The following RNF169 variants were observed in gnomAD, a reference collection of about 807,000 sequenced individuals.
The protein encoded by RNF169 is E3 ubiquitin-protein ligase RNF169.
RNF169 carries 24 observed loss-of-function variants against 53.9 expected under a neutral mutation model. The observed-to-expected ratio is 0.45, with a 90% CI of 0.32 to 0.63. The LOEUF is 0.63. Ranked by LOEUF, RNF169 falls within the 20% of genes least tolerant of loss-of-function variation. RNF169 has a pLI of 0.04. For missense variants in RNF169, 883 were observed against 906.2 expected (o/e 0.97, Z 0.33); for synonymous variants, 396 against 363.5 (o/e 1.09, Z -1.02).
At chr11:74,801,839 T>C (rs1345855110) in intron 2 of RNF169, among the ~76,000 whole-genome samples, 2 of 152,196 alleles carry the variant, frequency 1.3e-5, no homozygotes, top group African/African-American at 2.4e-5. Context: ...TTTTTAAAAA[T>C]ACGTTAAAAA....
At chr11:74,775,022 C>T (rs1019625151) in intron 1 of RNF169, among the ~76,000 whole-genome samples, 1 of 152,182 alleles carries the variant, frequency 6.6e-6, no homozygotes, top group Non-Finnish European at 1.5e-5. Context: ...AACATTTAGA[C>T]AATTCTTTGG....
At chr11:74,817,776 A>C (rs887614807) in intron 4 of RNF169, 62 bp downstream of exon 4, 2 of 1,005,300 alleles carry the variant, frequency 2.0e-6, no homozygotes, top group Admixed American at 3.5e-5. Flanking sequence ...GATAAAAGGG[A>C]CTGGGGGAGC....
intron 2 of RNF169, among the ~76,000 whole-genome samples, chr11:74,792,695 C>T (rs747456331): frequency 6.6e-6 from 1 of 152,156 alleles, no homozygotes; most frequent in Non-Finnish European, 1.5e-5. Flanking sequence ...GCCACCATGC[C>T]TGGCAAGAGT....
intron 3 of RNF169, among the ~76,000 whole-genome samples, chr11:74,816,793 G>A (rs949294857): frequency 6.6e-6 from 1 of 152,202 alleles, no homozygotes; most frequent in African/African-American, 2.4e-5. Flanking sequence ...GTGGGAACTG[G>A]TAGGGGAAAA....
intron 1 of RNF169, among the ~76,000 whole-genome samples, chr11:74,751,792 A>G (rs1432384045): frequency 1.3e-5 from 2 of 152,208 alleles, no homozygotes; most frequent in Admixed American, 1.3e-4. Flanking sequence ...GAATACAAAA[A>G]TATTGCCAAA....
At chr11:74,790,079 C>T (rs2035558551) in intron 2 of RNF169, among the ~76,000 whole-genome samples, 1 of 152,144 alleles carries the variant, frequency 6.6e-6, no homozygotes, top group Non-Finnish European at 1.5e-5. Flanking sequence ...TCCATTATTG[C>T]TCACTCCATT....
At chr11:74,775,071 A>T (rs2035313625) in intron 1 of RNF169, among the ~76,000 whole-genome samples, 1 of 152,260 alleles carries the variant, frequency 6.6e-6, no homozygotes, top group African/African-American at 2.4e-5. Flanking sequence ...ATGGGTCAGT[A>T]CCTACAGCTG....
In RNF169 at chr11:74,748,863, C is replaced by G; in HGVS notation, c.-18C>G. 1 of 1,399,598 alleles carries G rather than the reference C, an allele frequency of 7.1e-7. No homozygotes were observed. Among genetic ancestry groups the G allele is most frequent in the Non-Finnish European group, 9.4e-7 (1 of 1,065,258 alleles). The allele number at this position is 1,399,598 out of a possible 1,614,324, so 86.7% of individuals were successfully genotyped here. ...TCTTCTCCCTCGCAACCGACTCTCC[C>G]TTCAAACGGGAAACAAGATGGCGGC... On this transcript the variant is annotated 5_prime_UTR_variant, in exon 1 of 6. Coordinates refer to ENST00000299563, the MANE Select transcript of RNF169 (RefSeq NM_001098638.2).
intron 1 of RNF169, among the ~76,000 whole-genome samples, chr11:74,764,738 A>G (rs1009787994): frequency 2.0e-5 from 3 of 152,084 alleles, no homozygotes; most frequent in Non-Finnish European, 2.9e-5. Flanking sequence ...CAAAATAATT[A>G]TCACTGATTT....
At chr11:74,821,716 G>A (rs1269520362) in intron 4 of RNF169, among the ~76,000 whole-genome samples, 4 of 150,862 alleles carry the variant, frequency 2.7e-5, no homozygotes, top group Admixed American at 6.6e-5. Flanking sequence ...AGGCAAATAC[G>A]TAGAGACATA....
chr11:74,822,958 C>T (rs1481734476), intron 4 of RNF169, among the ~76,000 whole-genome samples: 1 of 151,990 alleles, frequency 6.6e-6, no homozygotes, highest in Non-Finnish European at 1.5e-5. Context: ...GAATACTTAC[C>T]GCCTCCATTT....
At chr11:74,793,352 T>C (rs764060210) in intron 2 of RNF169, among the ~76,000 whole-genome samples, 1 of 152,256 alleles carries the variant, frequency 6.6e-6, no homozygotes, top group Non-Finnish European at 1.5e-5. Context: ...AAATTAATTC[T>C]ACACAACTCA....
At chr11:74,832,620 T>C (rs980622815) in intron 4 of RNF169, 2 of 152,204 alleles carry the variant, frequency 1.3e-5, no homozygotes, top group African/African-American at 4.8e-5. Flanking sequence ...CAGGCAACTA[T>C]CGGTGAACTG....
At position 74,817,725 on chromosome 11, in the gene RNF169, G is replaced by C; in HGVS notation, c.842+11G>C. ...AGCTTTCCTGGCAGGGTAAGAGACT[G>C]ATGCTGAATTCAGTCAGGGGTCTTT... On this transcript the variant is annotated intron_variant, in intron 4 of 5. Transcript: ENST00000299563. The C allele has an allele frequency of 6.5e-7, 1 of 1,534,122 alleles. No individual in the cohort carries two copies.
intron 3 of RNF169, among the ~76,000 whole-genome samples, chr11:74,815,792 C>G (rs2035935144): frequency 6.6e-6 from 1 of 152,096 alleles, no homozygotes; most frequent in Admixed American, 6.5e-5. Context: ...CCCACAGTGA[C>G]AGTGATAGCT....
At chr11:74,782,348 C>T (rs1591401496) in intron 1 of RNF169, among the ~76,000 whole-genome samples, 1 of 152,156 alleles carries the variant, frequency 6.6e-6, no homozygotes, top group Non-Finnish European at 1.5e-5. Context: ...GGACTGGTAC[C>T]AGTCCATGGC....
In RNF169 at chr11:74,765,769, T is replaced by G. The variant is rs1465914956; in HGVS notation, c.502+16387T>G. 3.4e-5 allele frequency among the ~76,000 whole-genome samples: 5 copies of G among 147,720 alleles called. No individual in the cohort carries two copies. The East Asian group carries it at 9.9e-4, about 29-fold the overall frequency. On this transcript the variant is annotated intron_variant, in intron 1 of 5. Transcript: ENST00000299563. Reference sequence around the variant, plus strand: ...GTGAGCTGAGATTGCGCCATTGCACTCCAGCCTGGGCAACAACCGCAGCCT... The same window carrying G: ...GTGAGCTGAGATTGCGCCATTGCACGCCAGCCTGGGCAACAACCGCAGCCT...
At chr11:74,813,723 C>G (rs1019865885) in intron 3 of RNF169, among the ~76,000 whole-genome samples, 2 of 152,298 alleles carry the variant, frequency 1.3e-5, no homozygotes, top group South Asian at 2.1e-4. Flanking sequence ...GAGTCTCGCT[C>G]TGTCGCCAGG....
intron 5 of RNF169, among the ~76,000 whole-genome samples, 173 bp downstream of exon 5, chr11:74,834,948 G>T (rs1041365730): frequency 2.0e-4 from 30 of 152,006 alleles, no homozygotes; most frequent in African/African-American, 7.2e-4. Flanking sequence ...TGAATTAGTA[G>T]CCAGATGGGT....
Sources: gnomAD v4.1 joint callset for allele counts (sites outside exome capture counted in the v4.1 genomes callset) on GRCh38, gnomAD v4.1.1 for gene constraint, MANE v1.5 for transcripts, NCBI Gene and HGNC (gene_info 2026-07-23, HGNC 2026-07-21) for gene names.